TTF2: variants seen among roughly 807,000 people sequenced by gnomAD.
TTF2 encodes the protein RNA polymerase II termination factor.
A neutral mutation model predicts 142.4 loss-of-function variants in TTF2; 108 were observed. That is an observed-to-expected ratio of 0.76 (90% confidence interval 0.65 to 0.89). The LOEUF is 0.89. Ranked by LOEUF, TTF2 falls within the 40% of genes least tolerant of loss-of-function variation. The pLI, the probability that TTF2 is intolerant of heterozygous loss-of-function variation, is 0.00. For synonymous variants in TTF2, 483 were observed against 506.2 expected (o/e 0.95, Z 0.61); for missense variants, 1,327 against 1,379.8 (o/e 0.96, Z 0.61).
At chr1:117,088,393 C>T (rs577260889) in intron 12 of TTF2, among the ~76,000 whole-genome samples, 25 of 152,168 alleles carry the variant, frequency 1.6e-4, no homozygotes, top group Non-Finnish European at 3.1e-4. Context: ...AAAAATTAGC[C>T]GGGTGTGGTG....
In TTF2 at chr1:117,101,929, G is replaced by A. The variant is rs1162907436; in HGVS notation, c.*405G>A. 1 of 155,654 alleles carries A rather than the reference G, an allele frequency of 6.4e-6. No homozygotes were observed. The highest frequency in any genetic ancestry group is 2.4e-5 in the African/African-American group (1 of 41,542). 9.6% of individuals were successfully genotyped at this position (155,654 alleles called of 1,614,324 possible). ...GGCCAAGGCAGGAGGATGGCTTGAA[G>A]CCAGTAGTTCAAGACCAGCCTGGGC... On this transcript the variant is annotated 3_prime_UTR_variant, in exon 23 of 23. Transcript: ENST00000369466. The surrounding 1 kb of genome is among the most constrained non-coding windows in gnomAD (Gnocchi z 5.9).
At position 117,090,750 on chromosome 1, in the gene TTF2, CTTTTTT is replaced by C; in HGVS notation, c.2588+133_2588+138del. 1.6e-6 allele frequency: 1 copy of C among 614,982 alleles called. No individual in the cohort carries two copies. The highest frequency in any genetic ancestry group is 2.6e-6 in the Non-Finnish European group (1 of 386,220). 38.1% of individuals were successfully genotyped at this position (614,982 alleles called of 1,614,324 possible). On this transcript the variant is annotated intron_variant, in intron 15 of 22. Transcript: ENST00000369466. The surrounding 1 kb of genome is among the most constrained non-coding windows in gnomAD (Gnocchi z 4.8). ...TTGATTAGTTGGATGTCTGTATTCC[CTTTTTT>C]TTTTTACCCCATTTTTCTCCTTCTC...
chr1:117,091,916 G>C lies in TTF2; in HGVS notation c.2771G>C (p.Arg924Pro). 3.1e-6 allele frequency: 5 copies of C among 1,612,744 alleles called. No individual in the cohort carries two copies. Among genetic ancestry groups the C allele is most frequent in the Non-Finnish European group, 4.2e-6 (5 of 1,179,680 alleles). ...VHILSQLLRL[R>P]QCCCHLSLLK... The stretch of plus-strand genomic sequence containing the variant: ...ATACTGTCCCAGTTGCTGAGACTCC[G>C]CCAGTGTTGCTGTCATCTTTCTTTA... The change falls in exon 17 of 23, where the codon CGC becomes CCC. Residue 924 changes from arginine (R) to proline (P), a missense_variant. Physicochemically the swap from Arg to Pro is moderately radical, Grantham distance 103. Coordinates refer to ENST00000369466, the MANE Select transcript of TTF2 (RefSeq NM_003594.4).
At position 117,105,296 on chromosome 1, in the gene TTF2, T is replaced by C. The variant is rs1649860297; in HGVS notation, c.*3772T>C. 1 of 152,202 alleles carries C rather than the reference T, an allele frequency of 6.6e-6. No homozygotes were observed. Among genetic ancestry groups the C allele is most frequent in the African/African-American group, 2.4e-5 (1 of 41,448 alleles). The allele number at this position is 152,202 out of a possible 1,614,324, so 9.4% of individuals were successfully genotyped here. A position where few individuals can be genotyped will look rare whatever the true frequency, so the allele number is the denominator to read the frequency against. ...GAGCACCGGATTTATAAGGCATTTC[T>C]TACTCGACAGAATTGACTTCATGGA... is the stretch of plus-strand genomic sequence containing the variant. On this transcript the variant is annotated 3_prime_UTR_variant, in exon 23 of 23. Coordinates refer to ENST00000369466, the MANE Select transcript of TTF2 (RefSeq NM_003594.4). The surrounding 1 kb of genome is among the most constrained non-coding windows in gnomAD (Gnocchi z 4.7).
In TTF2 at chr1:117,105,505, C is replaced by G. The variant is rs2101302874; in HGVS notation, c.*3981C>G. On this transcript the variant is annotated 3_prime_UTR_variant, in exon 23 of 23. Transcript: ENST00000369466. The surrounding 1 kb of genome is among the most constrained non-coding windows in gnomAD (Gnocchi z 4.7). ...GCTGAGGCAGGCAGATCACTTGAGGCCAAGAGTTCGAGACCAGACTGGCCA... is the reference window on the plus strand; with the variant it reads ...GCTGAGGCAGGCAGATCACTTGAGGGCAAGAGTTCGAGACCAGACTGGCCA... 1 of 152,326 alleles carries G rather than the reference C, an allele frequency of 6.6e-6. No individual in the cohort carries two copies. The highest frequency in any genetic ancestry group is 2.4e-5 in the African/African-American group (1 of 41,532). 9.4% of individuals were successfully genotyped at this position (152,326 alleles called of 1,614,324 possible). A position where few individuals can be genotyped will look rare whatever the true frequency, so the allele number is the denominator to read the frequency against.
intron 2 of TTF2, 22 bp downstream of exon 2, chr1:117,060,579 A>G (rs780863429): frequency 3.5e-5 from 56 of 1,578,798 alleles, no homozygotes; most frequent in Non-Finnish European, 4.5e-5. Context: ...GCTGGGCCCC[A>G]CTCCCTGTGG....
chr1:117,072,980 T>C (rs985240694), intron 3 of TTF2, among the ~76,000 whole-genome samples: 1 of 152,214 alleles, frequency 6.6e-6, no homozygotes, highest in Non-Finnish European at 1.5e-5. Flanking sequence ...ATAGTTTTTT[T>C]TTAGTAGTTT....
At chr1:117,071,158 C>T (rs1656542271) in intron 3 of TTF2, among the ~76,000 whole-genome samples, 2 of 151,858 alleles carry the variant, frequency 1.3e-5, no homozygotes, top group Admixed American at 6.6e-5. Context: ...TAAGGAGCTG[C>T]ACCACAGATG....
At chr1:117,083,241 CAA>C (rs937586299) in intron 10 of TTF2, among the ~76,000 whole-genome samples, 14 of 53,302 alleles carry the variant, frequency 2.6e-4, no homozygotes, top group Admixed American at 2.0e-4. Context: ...GACTCCGTCT[CAA>C]AAAAAAAAAA....
In TTF2 at chr1:117,084,168, T is replaced by C. The variant is rs376928230; in HGVS notation, c.2054T>C (p.Val685Ala). Residue 685 changes from valine to alanine, a missense_variant and splice_region_variant, in exon 11 of 23, where the codon GTC (valine) becomes GCC (alanine). Physicochemically the swap from Val to Ala is moderately conservative, Grantham distance 64. Transcript: ENST00000369466. Reference sequence around the variant, plus strand: ...CCAAACCGGGATTCACGTGCCAGAGTGTAAGTGCAGGAATACGCAGTTGTG... The same window carrying C: ...CCAAACCGGGATTCACGTGCCAGAGCGTAAGTGCAGGAATACGCAGTTGTG... ...HGPNRDSRAR[V>A]LSTYDIVITT... 1.2e-6 allele frequency: 2 copies of C among 1,613,896 alleles called. No homozygotes were observed. Among genetic ancestry groups the C allele is most frequent in the African/African-American group, 2.7e-5 (2 of 74,878 alleles).
rs1323015681 is a variant in TTF2 at position 117,086,347 on chromosome 1, T to C, written c.2055-70T>C. On this transcript the variant is annotated intron_variant, in intron 11 of 22. Coordinates refer to ENST00000369466, the MANE Select transcript of TTF2 (RefSeq NM_003594.4). The surrounding 1 kb of genome is among the most constrained non-coding windows in gnomAD (Gnocchi z 4.2). Reference sequence around the variant, plus strand: ...ATTTGTAGGCATTTTTATTGAAAGATCAACTCTGCCTCTCTCATTGTCCCT... The same window carrying C: ...ATTTGTAGGCATTTTTATTGAAAGACCAACTCTGCCTCTCTCATTGTCCCT... The C allele has an allele frequency of 2.6e-6, 3 of 1,149,236 alleles. No individual in the cohort carries two copies. Among genetic ancestry groups the C allele is most frequent in the Non-Finnish European group, 3.9e-6 (3 of 772,546 alleles). The allele number at this position is 1,149,236 out of a possible 1,614,324, so 71.2% of individuals were successfully genotyped here.
Position 117,073,556 on chromosome 1 carries a change from C to T in TTF2, c.219-105C>T. On this transcript the variant is annotated intron_variant, in intron 3 of 22. Transcript: ENST00000369466. This position sits in a 1 kb window ranked among gnomAD's most constrained non-coding sequence, Gnocchi z 4.4. ...TTGGTTTCAAGTGACCTCCCAAAGC[C>T]AGGTTCAAATAGTTGCAAGATGTTT... The T allele has an allele frequency of 8.9e-7, 1 of 1,120,834 alleles. No individual in the cohort carries two copies. 69.4% of individuals were successfully genotyped at this position (1,120,834 alleles called of 1,614,324 possible). A position where few individuals can be genotyped will look rare whatever the true frequency, so the allele number is the denominator to read the frequency against.
In TTF2 at chr1:117,096,360, C is replaced by A. The variant is rs932076537; in HGVS notation, c.3186+61C>A. 7.7e-6 allele frequency: 12 copies of A among 1,565,630 alleles called. No homozygotes were observed. The African/African-American group carries it at 1.6e-4, about 21-fold the overall frequency. ...TGTTCTGAGTTATACAAAGAGAATT[C>A]TTTTTGTTTGGTTGGTTTTTGTTTT... On this transcript the variant is annotated intron_variant, in intron 20 of 22. Transcript: ENST00000369466.
At chr1:117,089,260 C>CTATATATATATATATATATATATA (rs10524337) in intron 13 of TTF2, among the ~76,000 whole-genome samples, 2,016 of 136,978 alleles carry the variant, frequency 0.015, 55 homozygotes, top group Middle Eastern at 0.024. Context: ...CAAATATATG[C>CTATATATATATATATATATATATA]TATATATATA....
rs764141732 is a variant in TTF2 at position 117,091,838 on chromosome 1, A to T, written c.2693A>T (p.Glu898Val). Residue 898 changes from glutamate to valine, a missense_variant, in exon 17 of 23, where the codon GAG (glutamate) becomes GTG (valine). Transcript: ENST00000369466. The part of the protein sequence containing the change: ...FSRVALEFGS[E>V]EPRHSEAADS... ...GAAGTGGCACTGGAGTTTGGGTCTGAGGAGCCTAGACACTCGGAGGCAGCA... is the reference window on the plus strand; with the variant it reads ...GAAGTGGCACTGGAGTTTGGGTCTGTGGAGCCTAGACACTCGGAGGCAGCA... 2 of 1,613,180 alleles carry T rather than the reference A, an allele frequency of 1.2e-6. No individual in the cohort carries two copies. Among genetic ancestry groups the T allele is most frequent in the African/African-American group, 2.7e-5 (2 of 74,760 alleles).
rs1038896440 is a variant in TTF2 at position 117,086,575 on chromosome 1, T to G, written c.2160+53T>G. The G allele has an allele frequency of 4.2e-5, 57 of 1,351,374 alleles. No individual in the cohort carries two copies. The Middle Eastern group carries it at 1.4e-3, about 34-fold the overall frequency. 83.7% of individuals were successfully genotyped at this position (1,351,374 alleles called of 1,614,324 possible). A position where few individuals can be genotyped will look rare whatever the true frequency, so the allele number is the denominator to read the frequency against. On this transcript the variant is annotated intron_variant, in intron 12 of 22. Transcript: ENST00000369466. This position sits in a 1 kb window ranked among gnomAD's most constrained non-coding sequence, Gnocchi z 4.2. ...GGAGTTGGAGCCACAGATGGTTTAA[T>G]GGGAGTCTTTCTCAGCCTCCACGAT...
At position 117,090,034 on chromosome 1, in the gene TTF2, C is replaced by T; in HGVS notation, c.2343-21C>T. On this transcript the variant is annotated intron_variant, in intron 13 of 22. Coordinates refer to ENST00000369466, the MANE Select transcript of TTF2 (RefSeq NM_003594.4). This position sits in a 1 kb window ranked among gnomAD's most constrained non-coding sequence, Gnocchi z 4.8. ...TGACTTTTCCTTCCCTACTCTGTGC[C>T]CTTCTTCCTCAACAAAAAAGGTTTC... 5.0e-6 allele frequency: 8 copies of T among 1,609,828 alleles called. No individual in the cohort carries two copies. Among genetic ancestry groups the T allele is most frequent in the Non-Finnish European group, 5.9e-6 (7 of 1,177,794 alleles).
chr1:117,068,411 G>A (rs1401558783), intron 3 of TTF2, among the ~76,000 whole-genome samples: 1 of 151,988 alleles, frequency 6.6e-6, no homozygotes, highest in Non-Finnish European at 1.5e-5. Flanking sequence ...GGGGGAGAGG[G>A]GAGGGATAGC....
chr1:117,089,659 A>C (rs1648390203), intron 13 of TTF2, among the ~76,000 whole-genome samples: 1 of 152,192 alleles, frequency 6.6e-6, no homozygotes, highest in African/African-American at 2.4e-5. Flanking sequence ...ACTGCACTCC[A>C]GCCTGGGTGA....
Sources: allele counts gnomAD v4.1 joint callset (sites outside exome capture counted in the v4.1 genomes callset), GRCh38; gene constraint gnomAD v4.1.1; non-coding constraint Gnocchi (gnomAD v3.1); transcripts MANE v1.5; gene names NCBI Gene and HGNC (gene_info 2026-07-23, HGNC 2026-07-21).